Variants in ANO3 observed in about 807,000 individuals in gnomAD.
ANO3 encodes the protein anoctamin 3, also known as anoctamin-3.
In ANO3, 99 loss-of-function variants were observed where a neutral mutation model predicts 144.8. The observed-to-expected ratio is 0.68, with a 90% CI of 0.58 to 0.81. ANO3 has a LOEUF of 0.81. Ranked by LOEUF, ANO3 falls within the 30% of genes least tolerant of loss-of-function variation. The probability of loss-of-function intolerance (pLI) is 0.00; values close to 1 mark genes in which losing one functional copy is unlikely to be tolerated. For synonymous variants in ANO3, 414 were observed against 392.6 expected (o/e 1.05, Z -0.64); for missense variants, 905 against 1,202.2 (o/e 0.75, Z 3.66).
intron 1 of ANO3, among the ~76,000 whole-genome samples, chr11:26,397,717 T>C (rs1857052115): frequency 6.6e-6 from 1 of 152,112 alleles, no homozygotes; most frequent in African/African-American, 2.4e-5. Flanking sequence ...AGTATCCTCC[T>C]TCTAGATATT....
intron 14 of ANO3, among the ~76,000 whole-genome samples, chr11:26,594,969 G>A (rs532597503): frequency 6.6e-6 from 1 of 152,206 alleles, no homozygotes; most frequent in African/African-American, 2.4e-5. Context: ...TTCTTTCTTA[G>A]CGTATGAGGG....
At chr11:26,401,883 T>A (rs1857156291) in intron 1 of ANO3, among the ~76,000 whole-genome samples, 1 of 152,018 alleles carries the variant, frequency 6.6e-6, no homozygotes, top group Admixed American at 6.6e-5. Flanking sequence ...TAGAATCTGG[T>A]ACTTTCAATT....
intron 4 of ANO3, among the ~76,000 whole-genome samples, chr11:26,473,718 G>A (rs1318678): frequency 0.54 from 81,943 of 151,558 alleles, 23,456 homozygotes; most frequent in East Asian, 0.67. Context: ...ATTAATAATT[G>A]ACAGTAAAAT....
At chr11:26,488,133 T>C (rs966559052) in intron 4 of ANO3, among the ~76,000 whole-genome samples, 2 of 152,048 alleles carry the variant, frequency 1.3e-5, no homozygotes, top group African/African-American at 2.4e-5. Flanking sequence ...ACCACTGCAC[T>C]CCAGCCTGAC....
At chr11:26,268,598 C>A (rs796520894) in intron 1 of ANO3, among the ~76,000 whole-genome samples, 4 of 152,088 alleles carry the variant, frequency 2.6e-5, no homozygotes, top group African/African-American at 9.6e-5. Context: ...ATAATACTTA[C>A]TTATTGGCTT....
chr11:26,496,025 A>G (rs1254610873), intron 4 of ANO3, among the ~76,000 whole-genome samples: 1 of 152,204 alleles, frequency 6.6e-6, no homozygotes, highest in Non-Finnish European at 1.5e-5. Context: ...AGTTAAGTTT[A>G]TTCAAGTGAA....
intron 1 of ANO3, among the ~76,000 whole-genome samples, chr11:26,414,981 A>G (rs1262146633): frequency 1.3e-5 from 2 of 151,618 alleles, no homozygotes; most frequent in African/African-American, 2.4e-5. Flanking sequence ...CCCTACCACC[A>G]CTATACTTGT....
intron 1 of ANO3, among the ~76,000 whole-genome samples, chr11:26,360,048 T>C (rs1200979112): frequency 6.6e-6 from 1 of 151,970 alleles, no homozygotes. Context: ...ATTCTCTATT[T>C]GTTATTCCCA....
intron 1 of ANO3, among the ~76,000 whole-genome samples, chr11:26,437,063 G>T (rs1209019492): frequency 6.6e-6 from 1 of 152,202 alleles, no homozygotes; most frequent in South Asian, 2.1e-4. Context: ...TCAGGGAGGT[G>T]TAACAGTGAT....
chr11:26,654,475 G>A (rs1015218864), intron 24 of ANO3, among the ~76,000 whole-genome samples: 6 of 152,064 alleles, frequency 3.9e-5, no homozygotes, highest in Admixed American at 3.3e-4. Context: ...TAGTGACCTT[G>A]ATAAATTCAC....
chr11:26,476,015 T>G (rs763104757), intron 4 of ANO3, among the ~76,000 whole-genome samples: 3 of 152,220 alleles, frequency 2.0e-5, no homozygotes, highest in Non-Finnish European at 2.9e-5. Context: ...AGTTGAGGCC[T>G]GAGAATTTGC....
chr11:26,258,256 C>A (rs537007021), intron 1 of ANO3, among the ~76,000 whole-genome samples: 1 of 152,096 alleles, frequency 6.6e-6, no homozygotes, highest in East Asian at 1.9e-4. Flanking sequence ...TGGATCTGGA[C>A]AATTAAATTT....
At chr11:26,460,742 T>G (rs1412035613) in intron 3 of ANO3, among the ~76,000 whole-genome samples, 1 of 152,012 alleles carries the variant, frequency 6.6e-6, no homozygotes, top group African/African-American at 2.4e-5. Context: ...AAAACTAAAT[T>G]GTGAGTGGAA....
intron 1 of ANO3, among the ~76,000 whole-genome samples, chr11:26,219,596 C>A (rs1001556403): frequency 2.6e-5 from 4 of 152,052 alleles, no homozygotes; most frequent in Admixed American, 2.6e-4. Context: ...AAAGAGAGCA[C>A]CTCATCAAAG....
Position 26,662,775 on chromosome 11 carries a change from A to G in ANO3, c.*2331A>G, listed in dbSNP as rs1438660830. ...AATGTTTATTTTGCAAAACAGTGCA[A>G]TAGAATCTAGTTATGCCTTCATCAC... On this transcript the variant is annotated 3_prime_UTR_variant, in exon 27 of 27. Coordinates refer to ENST00000256737, the MANE Select transcript of ANO3 (RefSeq NM_031418.4). The G allele has an allele frequency of 6.6e-6, 1 of 152,382 alleles. No individual in the cohort carries two copies. Among genetic ancestry groups the G allele is most frequent in the Non-Finnish European group, 1.5e-5 (1 of 67,994 alleles). 9.4% of individuals were successfully genotyped at this position (152,382 alleles called of 1,614,324 possible). A position where few individuals can be genotyped will look rare whatever the true frequency, so the allele number is the denominator to read the frequency against.
upstream of ANO3, chr11:26,309,543 C>T (rs1417784021): frequency 1.8e-5 from 9 of 487,942 alleles, no homozygotes; most frequent in Non-Finnish European, 2.4e-5. Flanking sequence ...CAGCTATAGT[C>T]AACATGAAAA....
chr11:26,297,923 T>C (rs1182977534), intron 1 of ANO3, among the ~76,000 whole-genome samples: 2 of 152,166 alleles, frequency 1.3e-5, no homozygotes, highest in Non-Finnish European at 2.9e-5. Flanking sequence ...CAAGACCACC[T>C]GACACCACAG....
chr11:26,498,922 C>G (rs1046898580), intron 4 of ANO3, among the ~76,000 whole-genome samples: 1 of 151,900 alleles, frequency 6.6e-6, no homozygotes, highest in Non-Finnish European at 1.5e-5. Flanking sequence ...AAAAGATCAA[C>G]AGCATCCCTT....
chr11:26,296,313 A>C (rs1854086617), intron 1 of ANO3, among the ~76,000 whole-genome samples: 1 of 152,252 alleles, frequency 6.6e-6, no homozygotes, highest in Non-Finnish European at 1.5e-5. Context: ...CTCTAAAATA[A>C]GAAATGACAA....
Sources: gnomAD v4.1 joint callset for allele counts (sites outside exome capture counted in the v4.1 genomes callset) on GRCh38, gnomAD v4.1.1 for gene constraint, MANE v1.5 for transcripts, NCBI Gene and HGNC (gene_info 2026-07-23, HGNC 2026-07-21) for gene names.